The following SDC1 variants were observed in gnomAD, a reference collection of about 807,000 sequenced individuals.
The protein encoded by SDC1 is syndecan-1.
In SDC1, 14 loss-of-function variants were observed where a neutral mutation model predicts 29.7. That is an observed-to-expected ratio of 0.47 (90% CI 0.31 to 0.74). The LOEUF (loss-of-function observed/expected upper bound fraction) is 0.74, where lower values mean the gene tolerates loss of function less well. Among genes scored for constraint, SDC1 ranks in the 30% least tolerant of loss-of-function variants. The pLI is 0.05. For synonymous variants in SDC1, 204 were observed against 175.5 expected (o/e 1.16, Z -1.29); for missense variants, 406 against 400.3 (o/e 1.01, Z -0.12).
Position 20,218,722 on chromosome 2 carries a change from G to A in SDC1, c.66+6080C>T, listed in dbSNP as rs368585415. On this transcript the variant is annotated intron_variant, in intron 1 of 4. Coordinates refer to ENST00000254351, the MANE Select transcript of SDC1 (RefSeq NM_002997.5). ...ACACAAAGAGACAGACACATAGAGG[G>A]ACACACACACGTACATGGACAAAGA... is the stretch of plus-strand genomic sequence containing the variant. Among the ~76,000 whole-genome samples, 313 of 149,972 alleles carry A rather than the reference G, an allele frequency of 2.1e-3. 5 individuals carry two copies. Among genetic ancestry groups the A allele is most frequent in the African/African-American group, 7.2e-3 (294 of 40,712 alleles).
At position 20,205,418 on chromosome 2, in the gene SDC1, C is replaced by A. The variant is rs146940431; in HGVS notation, c.73G>T (p.Val25Leu). 6 of 1,613,368 alleles carry A rather than the reference C, an allele frequency of 3.7e-6. No individual in the cohort carries two copies. The African/African-American group carries it at 6.7e-5, about 18-fold the overall frequency. The change falls in exon 2 of 5, where the codon GTG becomes TTG. Residue 25 changes from valine (V) to leucine (L), a missense_variant. By Grantham distance (32) the Val-to-Leu change is conservative. Transcript: ENST00000254351. ...LSLQPALPQI[V>L]ATNLPPEDQD... ...TCTTCAGGGGGCAAATTAGTAGCCA[C>A]AATTTGCTGGAAAAGGATCAGAATA...
At chr2:20,216,138 G>A (rs1316506927) in intron 1 of SDC1, among the ~76,000 whole-genome samples, 3 of 152,204 alleles carry the variant, frequency 2.0e-5, no homozygotes, top group Non-Finnish European at 2.9e-5. Flanking sequence ...AGATTCACCC[G>A]AGGAGACTCA....
chr2:20,223,262 C>T, intron 1 of SDC1: 1 of 1,301,220 alleles, frequency 7.7e-7, no homozygotes, highest in South Asian at 1.2e-5. Context: ...CCTACCTCAT[C>T]TCCCATGAGA....
intron 1 of SDC1, among the ~76,000 whole-genome samples, chr2:20,219,391 C>T (rs1279453631): frequency 1.3e-5 from 2 of 152,168 alleles, no homozygotes; most frequent in African/African-American, 4.8e-5. Context: ...CTCACTCTTC[C>T]AGGGGAAGCG....
chr2:20,202,753 C>T lies in SDC1; in HGVS notation c.*13G>A, dbSNP rs748651001. 1 of 1,584,892 alleles carries T rather than the reference C, an allele frequency of 6.3e-7. No individual in the cohort carries two copies. Among genetic ancestry groups the T allele is most frequent in the Non-Finnish European group, 8.6e-7 (1 of 1,163,958 alleles). On this transcript the variant is annotated 3_prime_UTR_variant, in exon 5 of 5. Transcript: ENST00000254351. ...AGTGAGTGGCAGGGCGGAGGGGGCG[C>T]ATGGCTCCCGCGTCAGGCATAGAAT...
chr2:20,209,751 G>A (rs1042276945), intron 1 of SDC1, among the ~76,000 whole-genome samples: 4 of 152,262 alleles, frequency 2.6e-5, no homozygotes, highest in African/African-American at 9.6e-5. Flanking sequence ...CGTCTCAGCA[G>A]AGCCCCTTGT....
At chr2:20,210,646 C>T (rs557394073) in intron 1 of SDC1, among the ~76,000 whole-genome samples, 3 of 152,310 alleles carry the variant, frequency 2.0e-5, no homozygotes, top group African/African-American at 7.2e-5. Context: ...CTGTGGGAGC[C>T]CAGTCACTGA....
At chr2:20,215,967 C>T (rs1473364798) in intron 1 of SDC1, among the ~76,000 whole-genome samples, 1 of 152,244 alleles carries the variant, frequency 6.6e-6, no homozygotes, top group Non-Finnish European at 1.5e-5. Flanking sequence ...AGGTGACTGC[C>T]TTACACAGGG....
rs1269757123 is a variant in SDC1 at position 20,224,205 on chromosome 2, G to A, written c.66+597C>T. The A allele has an allele frequency of 7.1e-6, 3 of 422,796 alleles. No individual in the cohort carries two copies. The East Asian group carries it at 3.2e-4, about 45-fold the overall frequency. The allele number at this position is 422,796 out of a possible 1,614,324, so 26.2% of individuals were successfully genotyped here. On this transcript the variant is annotated intron_variant, in intron 1 of 4. Transcript: ENST00000254351. The surrounding 1 kb of genome is among the most constrained non-coding windows in gnomAD (Gnocchi z 4.9). ...GCTCAGCTCACCTCGAGCCGCCCAC[G>A]GCAAGCCCGAGGGCCCTGCAGACGC...
At chr2:20,212,026 C>A (rs934570676) in intron 1 of SDC1, among the ~76,000 whole-genome samples, 1 of 152,246 alleles carries the variant, frequency 6.6e-6, no homozygotes, top group African/African-American at 2.4e-5. Context: ...TCTCTCTAGA[C>A]CTGTTCTCCA....
rs1171547422 is a variant in SDC1 at position 20,224,563 on chromosome 2, C to A, written c.66+239G>T. ...TGTGGAGACGTTTTACATAATTGAG[C>A]GCGGGGCCCCGGCCCCCCACCCTCC... On this transcript the variant is annotated intron_variant, in intron 1 of 4. Transcript: ENST00000254351. The surrounding 1 kb of genome is among the most constrained non-coding windows in gnomAD (Gnocchi z 4.9). Among the ~76,000 whole-genome samples, 3 of 151,616 alleles carry A rather than the reference C, an allele frequency of 2.0e-5. No individual in the cohort carries two copies. Among genetic ancestry groups the A allele is most frequent in the Non-Finnish European group, 2.9e-5 (2 of 67,824 alleles).
intron 1 of SDC1, among the ~76,000 whole-genome samples, chr2:20,222,220 C>T (rs1040720291): frequency 6.6e-5 from 10 of 152,156 alleles, no homozygotes; most frequent in Admixed American, 6.5e-4. Context: ...TTCAGTCACT[C>T]CTTGCTTCCC....
In SDC1 at chr2:20,202,069, T is replaced by C. The variant is rs1405244511; in HGVS notation, c.*697A>G. The C allele has an allele frequency of 1.1e-5, 6 of 547,754 alleles. No individual in the cohort carries two copies. In the South Asian group the frequency reaches 1.2e-4, roughly 11 times the overall value. 33.9% of individuals were successfully genotyped at this position (547,754 alleles called of 1,614,324 possible). A position where few individuals can be genotyped will look rare whatever the true frequency, so the allele number is the denominator to read the frequency against. ...ACAACACACAAACTAAGCCTACATT[T>C]TGGCTTCCAGATTTGGTTCTCCTAG... On this transcript the variant is annotated 3_prime_UTR_variant, in exon 5 of 5. Transcript: ENST00000254351.
Position 20,203,993 on chromosome 2 carries a change from G to C in SDC1, c.447C>G (p.Ala149=). 1 of 1,613,962 alleles carries C rather than the reference G, an allele frequency of 6.2e-7. No individual in the cohort carries two copies. Among genetic ancestry groups the C allele is most frequent in the Non-Finnish European group, 8.5e-7 (1 of 1,180,018 alleles). ...TTTATTAQEP[A]TSHPHRDMQP... ...GCATGTCCCTGTGGGGGTGGGAGGT[G>C]GCGGGCTCCTGGGCCGTGGTGGCTG... The change falls in exon 3 of 5, where the codon GCC becomes GCG. Residue 149 remains alanine, a synonymous_variant. Transcript: ENST00000254351.
intron 1 of SDC1, among the ~76,000 whole-genome samples, chr2:20,218,575 G>A (rs1010491363): frequency 1.4e-5 from 2 of 143,988 alleles, no homozygotes; most frequent in Admixed American, 1.4e-4. Context: ...ACATATACAC[G>A]GACACAGACA....
intron 1 of SDC1, among the ~76,000 whole-genome samples, chr2:20,215,382 C>G (rs767655463): frequency 1.3e-5 from 2 of 152,254 alleles, no homozygotes; most frequent in African/African-American, 4.8e-5. Flanking sequence ...CAGGAGGCAG[C>G]CCCTGGCAGA....
chr2:20,224,991 G>C lies in SDC1; in HGVS notation c.-124C>G. Reference sequence around the variant, plus strand: ...CCCAGCGCGCCGCTGTCCCAGGCGAGGGCTGCAGGGTCCGCCGGCTGGAGT... The same window carrying C: ...CCCAGCGCGCCGCTGTCCCAGGCGACGGCTGCAGGGTCCGCCGGCTGGAGT... On this transcript the variant is annotated 5_prime_UTR_variant, in exon 1 of 5. Coordinates refer to ENST00000254351, the MANE Select transcript of SDC1 (RefSeq NM_002997.5). The surrounding 1 kb of genome is among the most constrained non-coding windows in gnomAD (Gnocchi z 4.9). 2.6e-6 allele frequency: 3 copies of C among 1,134,828 alleles called. No individual in the cohort carries two copies. Among genetic ancestry groups the C allele is most frequent in the Non-Finnish European group, 2.2e-6 (2 of 917,002 alleles). The allele number at this position is 1,134,828 out of a possible 1,614,324, so 70.3% of individuals were successfully genotyped here. A position where few individuals can be genotyped will look rare whatever the true frequency, so the allele number is the denominator to read the frequency against.
At chr2:20,220,619 C>T (rs1337105018) in intron 1 of SDC1, among the ~76,000 whole-genome samples, 2 of 152,178 alleles carry the variant, frequency 1.3e-5, no homozygotes, top group Non-Finnish European at 2.9e-5. Context: ...TTCACATATC[C>T]ATTATGAAAT....
intron 1 of SDC1, among the ~76,000 whole-genome samples, chr2:20,214,121 GA>G (rs1291345481): frequency 6.6e-6 from 1 of 152,208 alleles, no homozygotes; most frequent in Non-Finnish European, 1.5e-5. Flanking sequence ...AGAGAGGCTG[GA>G]AGATGTCAAG....
Sources: allele counts gnomAD v4.1 joint callset (sites outside exome capture counted in the v4.1 genomes callset), GRCh38; gene constraint gnomAD v4.1.1; non-coding constraint Gnocchi (gnomAD v3.1); transcripts MANE v1.5; gene names NCBI Gene and HGNC (gene_info 2026-07-23, HGNC 2026-07-21).